The following PRELID2 variants were observed in gnomAD, a reference collection of about 807,000 sequenced individuals.
PRELID2 encodes PRELI domain-containing protein 2.
In PRELID2, 25 loss-of-function variants were observed where a neutral mutation model predicts 28.4. The observed-to-expected ratio is 0.88, with a 90% CI of 0.64 to 1.23. The LOEUF is 1.23. PRELID2 is among the 50% of genes most tolerant of loss of function. The pLI is 0.00. For synonymous variants in PRELID2, 76 were observed against 71.6 expected, an observed-to-expected ratio of 1.06 and a Z score of -0.31; for missense variants, 201 against 214.4, an observed-to-expected ratio of 0.94 and a Z score of 0.39.
Position 145,573,409 on chromosome 5 carries a change from C to G in PRELID2, n.71-100094G>C, listed in dbSNP as rs563663145. ...GGTTTCTTATATAGGTATACATGTG[C>G]TATGGTGGTTTGCTGCACCTATCAA... On this transcript the variant is annotated intron_variant and non_coding_transcript_variant, in intron 1 of 2. Transcript: ENST00000510259. Among the ~76,000 whole-genome samples the G allele has an allele frequency of 5.2e-4, 79 of 151,948 alleles. 1 individual carries two copies. Among genetic ancestry groups the G allele is most frequent in the Non-Finnish European group, 5.9e-4 (40 of 67,982 alleles).
At chr5:145,777,589 G>C (rs338891) in intron 5 of PRELID2, among the ~76,000 whole-genome samples, 115,202 of 152,090 alleles carry the variant, frequency 0.76, 45,459 homozygotes, top group East Asian at 0.91. Context: ...TGCCATCACT[G>C]CTGGCTGCAA....
chr5:145,713,344 C>A (rs1755746350), intron 1 of PRELID2, among the ~76,000 whole-genome samples: 1 of 112,040 alleles, frequency 8.9e-6, no homozygotes, highest in African/African-American at 3.9e-5. Context: ...AGAATGATAT[C>A]TGACTTTATA....
rs1413722761 is a variant in PRELID2 at position 145,531,578 on chromosome 5, G to A, written n.71-58263C>T. On this transcript the variant is annotated intron_variant and non_coding_transcript_variant, in intron 1 of 2. Coordinates refer to the PRELID2 transcript ENST00000510259. Reference sequence around the variant, plus strand: ...TCGCTCAGCTTAGGCCAGGAGAACAGGAAAGACAAGGAATCTGGAAGGCCC... The same window carrying A: ...TCGCTCAGCTTAGGCCAGGAGAACAAGAAAGACAAGGAATCTGGAAGGCCC... Among the ~76,000 whole-genome samples the A allele has an allele frequency of 2.6e-5, 4 of 152,278 alleles. No individual in the cohort carries two copies. In the East Asian group the frequency reaches 7.8e-4, roughly 30 times the overall value.
At chr5:145,364,226 A>C in the PRELID2 span, among the ~76,000 whole-genome samples, 1 of 151,948 alleles carries the variant, frequency 6.6e-6, no homozygotes, top group African/African-American at 2.4e-5. Context: ...TCGATATCCA[A>C]ATTGAAATGC....
the PRELID2 span, among the ~76,000 whole-genome samples, chr5:145,317,124 T>C: frequency 3.9e-5 from 6 of 152,206 alleles, 1 homozygote; most frequent in African/African-American, 1.4e-4. Context: ...GGAAGGCTGG[T>C]GTGGACTCAG....
chr5:145,703,537 T>G (rs1424644851), intron 1 of PRELID2, among the ~76,000 whole-genome samples: 2 of 152,206 alleles, frequency 1.3e-5, no homozygotes, highest in East Asian at 1.9e-4. Context: ...CAACAGCACA[T>G]AGCCAGGTCT....
chr5:145,668,992 C>G (rs1322605058), intron 1 of PRELID2, among the ~76,000 whole-genome samples: 1 of 152,060 alleles, frequency 6.6e-6, no homozygotes, highest in Non-Finnish European at 1.5e-5. Context: ...TCTAGAGTCA[C>G]TTCCTGTGGA....
intron 1 of PRELID2, among the ~76,000 whole-genome samples, chr5:145,750,256 G>A (rs1241296627): frequency 6.6e-6 from 1 of 151,566 alleles, no homozygotes; most frequent in Non-Finnish European, 1.5e-5. Flanking sequence ...TATGTGCCAG[G>A]AACTGCTCCA....
the PRELID2 span, among the ~76,000 whole-genome samples, chr5:145,453,504 T>C: frequency 3.9e-5 from 6 of 152,182 alleles, no homozygotes; most frequent in Non-Finnish European, 8.8e-5. Context: ...GGGATACATG[T>C]GCAGAACGTG....
chr5:145,257,271 A>G, the PRELID2 span, among the ~76,000 whole-genome samples: 1 of 150,230 alleles, frequency 6.7e-6, no homozygotes, highest in Admixed American at 6.6e-5. Context: ...CATTTTTAAC[A>G]TTATTATATT....
At chr5:145,670,357 T>A (rs1015641110) in intron 1 of PRELID2, among the ~76,000 whole-genome samples, 1 of 151,976 alleles carries the variant, frequency 6.6e-6, no homozygotes, top group African/African-American at 2.4e-5. Flanking sequence ...TGGCACCAAA[T>A]CATTCATGAG....
the PRELID2 span, among the ~76,000 whole-genome samples, chr5:145,344,784 A>G: frequency 6.6e-6 from 1 of 152,104 alleles, no homozygotes; most frequent in African/African-American, 2.4e-5. Context: ...AAGTTTTCTT[A>G]CTGATAATAT....
chr5:145,297,909 C>T, the PRELID2 span, among the ~76,000 whole-genome samples: 4 of 152,078 alleles, frequency 2.6e-5, no homozygotes, highest in Admixed American at 2.0e-4. Context: ...ATCCAACTTA[C>T]AAGGGATGTG....
chr5:145,700,632 T>G (rs1755383995), intron 1 of PRELID2, among the ~76,000 whole-genome samples: 1 of 152,104 alleles, frequency 6.6e-6, no homozygotes, highest in South Asian at 2.1e-4. Flanking sequence ...CCCAAAAGTA[T>G]CTGTCCTTGC....
intron 3 of PRELID2, 109 bp downstream of exon 3, chr5:145,819,836 G>T: frequency 1.3e-6 from 1 of 778,256 alleles, no homozygotes. Flanking sequence ...GAGGTAAAAG[G>T]AGTAGGAAGT....
chr5:145,565,089 T>C (rs989766714), intron 1 of PRELID2, among the ~76,000 whole-genome samples: 3 of 152,232 alleles, frequency 2.0e-5, no homozygotes, highest in Non-Finnish European at 4.4e-5. Context: ...ACCAGAGCTG[T>C]TCCTATTCGG....
At chr5:145,612,802 T>C (rs1357602145) in intron 1 of PRELID2, among the ~76,000 whole-genome samples, 2 of 152,362 alleles carry the variant, frequency 1.3e-5, no homozygotes, top group South Asian at 2.1e-4. Context: ...TTTCTTTTTA[T>C]GGCTGAGTAG....
chr5:145,259,363 G>C, the PRELID2 span, among the ~76,000 whole-genome samples: 8 of 152,148 alleles, frequency 5.3e-5, no homozygotes, highest in Admixed American at 4.6e-4. Context: ...CCTGCACCTG[G>C]AAAAGCCACA....
the PRELID2 span, among the ~76,000 whole-genome samples, chr5:145,318,491 T>A: frequency 7.2e-5 from 11 of 152,226 alleles, no homozygotes; most frequent in Admixed American, 1.3e-4. Context: ...ATAACATGCC[T>A]TCGTATGCAC....
Sources: gnomAD v4.1 joint callset for allele counts (sites outside exome capture counted in the v4.1 genomes callset) on GRCh38, gnomAD v4.1.1 for gene constraint, MANE v1.5 for transcripts, NCBI Gene and HGNC (gene_info 2026-07-23, HGNC 2026-07-21) for gene names.